Variants in SOX1 observed in about 807,000 individuals in gnomAD.
SOX1 encodes the protein transcription factor SOX-1.
In SOX1, 1 loss-of-function variant was observed where a neutral mutation model predicts 0.9. That is an observed-to-expected ratio of 1.07 (90% CI 0.38 to 5.06). The LOEUF is 5.06. SOX1 is among the 30% of genes most tolerant of loss of function. SOX1 has a pLI of 0.16. For missense variants in SOX1, 564 were observed against 534.4 expected, an observed-to-expected ratio of 1.06 and a Z score of -0.55; for synonymous variants, 397 against 265.5, an observed-to-expected ratio of 1.50 and a Z score of -4.81.
rs1269338195 is a variant in SOX1, at chr13:112,070,605, T to TC, written c.*1775dup. The TC allele has an allele frequency of 6.0e-6, 1 of 167,070 alleles. No homozygotes were observed. Among genetic ancestry groups the TC allele is most frequent in the African/African-American group, 2.4e-5 (1 of 41,456 alleles). 10.3% of individuals were successfully genotyped at this position (167,070 alleles called of 1,614,324 possible). A position where few individuals can be genotyped will look rare whatever the true frequency, so the allele number is the denominator to read the frequency against. On this transcript the variant is annotated 3_prime_UTR_variant, in exon 1 of 1. Coordinates refer to ENST00000330949, the MANE Select transcript of SOX1 (RefSeq NM_005986.3). ...ACGTTTATTTCAGCAGCCTTAGGTTTCCCCTCGCTTTCTCAACACCCTTCC... is the reference window on the plus strand; with the variant it reads ...ACGTTTATTTCAGCAGCCTTAGGTTTCCCCCTCGCTTTCTCAACACCCTTCC...
Sources: allele counts gnomAD v4.1 joint callset, GRCh38; gene constraint gnomAD v4.1.1; transcripts MANE v1.5; gene names NCBI Gene and HGNC (gene_info 2026-07-23, HGNC 2026-07-21).